The following SLC26A5 variants were observed in gnomAD, a reference collection of about 807,000 sequenced individuals.
SLC26A5 encodes the protein solute carrier family 26 member 5.
Under a neutral mutation model 81.0 loss-of-function variants are expected in SLC26A5, and 51 were observed. The ratio of observed to expected loss-of-function variants is 0.63; its 90% CI spans 0.50 to 0.80. The LOEUF is 0.80. Among genes scored for constraint, SLC26A5 ranks in the 30% least tolerant of loss-of-function variants. The pLI, the probability that SLC26A5 is intolerant of heterozygous loss-of-function variation, is 0.00. For synonymous variants in SLC26A5, 325 were observed against 332.8 expected, an observed-to-expected ratio of 0.98 and a Z score of 0.25; for missense variants, 771 against 905.8, an observed-to-expected ratio of 0.85 and a Z score of 1.91.
intron 11 of SLC26A5, 29 bp from the exon 12 acceptor site, chr7:103,390,535 C>A (rs1235214003): frequency 2.5e-6 from 4 of 1,585,476 alleles, no homozygotes; most frequent in East Asian, 4.5e-5. Flanking sequence ...ATGGAAGGGG[C>A]TTTTAGGAGA....
chr7:103,441,732 G>A (rs944549710), intron 2 of SLC26A5, among the ~76,000 whole-genome samples: 1 of 152,194 alleles, frequency 6.6e-6, no homozygotes, highest in Non-Finnish European at 1.5e-5. Flanking sequence ...TTTAGGAACA[G>A]CTGATCATCC....
At chr7:103,353,854 G>A (rs997719615) in intron 19 of SLC26A5, 30 of 1,373,564 alleles carry the variant, frequency 2.2e-5, no homozygotes, top group Non-Finnish European at 3.0e-5. Flanking sequence ...AAAAGCTCTA[G>A]TTTCTTTTTT....
intron 14 of SLC26A5, among the ~76,000 whole-genome samples, chr7:103,380,934 G>A (rs1247281553): frequency 1.3e-5 from 2 of 149,200 alleles, no homozygotes; most frequent in African/African-American, 2.5e-5. Flanking sequence ...CACATTATAC[G>A]ATATACCACA....
chr7:103,388,979 T>C (rs1290620699), intron 14 of SLC26A5, 29 bp downstream of exon 14: 1 of 1,510,760 alleles, frequency 6.6e-7, no homozygotes, highest in Non-Finnish European at 9.2e-7. Flanking sequence ...TGCCGGGACA[T>C]TCACACCCAT....
At chr7:103,399,256 C>T (rs1003360416) in intron 8 of SLC26A5, among the ~76,000 whole-genome samples, 4 of 152,138 alleles carry the variant, frequency 2.6e-5, no homozygotes, top group African/African-American at 9.7e-5. Flanking sequence ...GCAGGAGAGG[C>T]AAGCTGGTCA....
intron 8 of SLC26A5, among the ~76,000 whole-genome samples, chr7:103,399,846 T>C (rs993666041): frequency 6.6e-6 from 1 of 152,326 alleles, no homozygotes; most frequent in African/African-American, 2.4e-5. Context: ...CTGTGTTAGT[T>C]TGCTGAGAAT....
chr7:103,419,617 A>C (rs1394433559), intron 4 of SLC26A5, among the ~76,000 whole-genome samples: 2 of 151,516 alleles, frequency 1.3e-5, no homozygotes, highest in Non-Finnish European at 2.9e-5. Flanking sequence ...AGCTCACCGC[A>C]ACCTCCACCT....
At chr7:103,413,716 G>T (rs1470704388) in intron 4 of SLC26A5, among the ~76,000 whole-genome samples, 1 of 151,998 alleles carries the variant, frequency 6.6e-6, no homozygotes. Context: ...AAGAAACTTT[G>T]GAAGTGCAGG....
At chr7:103,373,089 C>A (rs964474232), downstream of SLC26A5, among the ~76,000 whole-genome samples, 1 of 152,164 alleles carries the variant, frequency 6.6e-6, no homozygotes, top group African/African-American at 2.4e-5. Context: ...AAGAACTAGA[C>A]AACCAACTCA....
intron 9 of SLC26A5, among the ~76,000 whole-genome samples, chr7:103,394,087 C>G: frequency 6.6e-6 from 1 of 152,272 alleles, no homozygotes; most frequent in South Asian, 2.1e-4. Flanking sequence ...CCAAGTACAA[C>G]AAAACCATAA....
In SLC26A5 at chr7:103,362,388, G is replaced by A. The variant is rs1353393058; in HGVS notation, c.2042-9462C>T. On this transcript the variant is annotated intron_variant, in intron 19 of 19. Coordinates refer to the SLC26A5 transcript ENST00000339444. ...TTGGGGGAGTACTTGCTTTAGGATA[G>A]TTGTGATGCTAAGTGTGTTAATGTC... 2.2e-6 allele frequency: 3 copies of A among 1,336,310 alleles called. No individual in the cohort carries two copies. In the African/African-American group the frequency reaches 4.5e-5, roughly 20 times the overall value. 82.8% of individuals were successfully genotyped at this position (1,336,310 alleles called of 1,614,324 possible). A position where few individuals can be genotyped will look rare whatever the true frequency, so the allele number is the denominator to read the frequency against.
At position 103,379,266 on chromosome 7, in the gene SLC26A5, A is replaced by G. The variant is rs1256310075; in HGVS notation, c.1654T>C (p.Tyr552His). The G allele has an allele frequency of 1.3e-5, 21 of 1,611,336 alleles. No individual in the cohort carries two copies. The highest frequency in any genetic ancestry group is 1.7e-5 in the Non-Finnish European group (20 of 1,177,612). ...APIYYANSDLYSNALKRKTGV... is the reference protein window; with the variant it reads ...APIYYANSDLHSNALKRKTGV... ...ACCTTTCGTTTTAATGCATTGCTAT[A>G]CAAGTCGCTATTTGCATAGTAAATT... is the stretch of plus-strand genomic sequence containing the variant. The change falls in exon 16 of 20, where the codon TAT becomes CAT. Residue 552 changes from tyrosine to histidine, a missense_variant. Coordinates refer to ENST00000306312, the MANE Select transcript of SLC26A5 (RefSeq NM_198999.3).
intron 2 of SLC26A5, among the ~76,000 whole-genome samples, chr7:103,425,243 G>A (rs1158366416): frequency 1.3e-5 from 2 of 152,188 alleles, no homozygotes; most frequent in African/African-American, 4.8e-5. Context: ...CCCAGGACAT[G>A]CAGTTGATCA....
At chr7:103,370,934 C>G (rs1371894097), downstream of SLC26A5, among the ~76,000 whole-genome samples, 1 of 152,100 alleles carries the variant, frequency 6.6e-6, no homozygotes. Context: ...TAGATTATGC[C>G]CATTTTGATA....
At chr7:103,359,138 C>CTTTTTTTTTTTGTTTTTTTT (rs1820217696) in intron 19 of SLC26A5, among the ~76,000 whole-genome samples, 1 of 31,332 alleles carries the variant, frequency 3.2e-5, no homozygotes, top group Non-Finnish European at 5.7e-5. Flanking sequence ...CCATGTCTGG[C>CTTTTTTTTTTTGTTTTTTTT]TTTTTTTTTT....
downstream of SLC26A5, among the ~76,000 whole-genome samples, chr7:103,370,443 G>T (rs1820968245): frequency 6.7e-6 from 1 of 150,020 alleles, no homozygotes; most frequent in Non-Finnish European, 1.5e-5. Flanking sequence ...GATTCACTAG[G>T]TTTGCTACCC....
rs770521867 is a variant in SLC26A5 at position 103,410,386 on chromosome 7, T to A, written c.734A>T (p.Tyr245Phe). 1 of 1,613,628 alleles carries A rather than the reference T, an allele frequency of 6.2e-7. No homozygotes were observed. Among genetic ancestry groups the A allele is most frequent in the Non-Finnish European group, 8.5e-7 (1 of 1,179,542 alleles). The change falls in exon 7 of 20, where the codon TAT (tyrosine) becomes TTT (phenylalanine). Residue 245 changes from tyrosine (Y) to phenylalanine (F), a missense_variant and splice_region_variant. Transcript: ENST00000306312. ...KRYSGIFSVV[Y>F]STVAVLQNVK... ...AACGTCAGGTAGTTTCTTACTTACA[T>A]ACACCACGGAAAAGATTCCACTGTA...
At chr7:103,389,505 G>T in intron 12 of SLC26A5, 81 bp from the exon 13 acceptor site, 1 of 1,003,412 alleles carries the variant, frequency 1.0e-6, no homozygotes, top group Non-Finnish European at 1.6e-6. Context: ...TCCTCCTGCT[G>T]TCCTCCCCAT....
chr7:103,438,729 CTACT>C (rs1380594950), intron 2 of SLC26A5, among the ~76,000 whole-genome samples: 1 of 152,110 alleles, frequency 6.6e-6, no homozygotes, highest in Non-Finnish European at 1.5e-5. Context: ...GCATTTCAGA[CTACT>C]AGAAATAGAA....
Sources: gnomAD v4.1 joint callset for allele counts (sites outside exome capture counted in the v4.1 genomes callset) on GRCh38, gnomAD v4.1.1 for gene constraint, MANE v1.5 for transcripts, NCBI Gene and HGNC (gene_info 2026-07-23, HGNC 2026-07-21) for gene names.